GJB6: variants seen among roughly 807,000 people sequenced by gnomAD.
The protein encoded by GJB6 is gap junction protein beta 6, also known as gap junction beta-6 protein.
Under a neutral mutation model 5.4 loss-of-function variants are expected in GJB6, and 5 were observed. That is an observed-to-expected ratio of 0.92 (90% confidence interval 0.48 to 1.93). GJB6 has a LOEUF of 1.93. GJB6 is among the 30% of genes most tolerant of loss of function. The pLI, the probability that GJB6 is intolerant of heterozygous loss-of-function variation, is 0.01. For synonymous variants in GJB6, 136 were observed against 129.6 expected (o/e 1.05, Z -0.34); for missense variants, 298 against 326.9 (o/e 0.91, Z 0.68).
intron 4 of GJB6, among the ~76,000 whole-genome samples, chr13:20,228,627 G>T (rs956771952): frequency 6.6e-6 from 1 of 151,166 alleles, no homozygotes; most frequent in East Asian, 2.0e-4. Context: ...TGGGACTACA[G>T]GCGCCTGCCA....
At chr13:20,230,369 G>A (rs1869999612) in intron 3 of GJB6, among the ~76,000 whole-genome samples, 1 of 152,188 alleles carries the variant, frequency 6.6e-6, no homozygotes, top group Non-Finnish European at 1.5e-5. Context: ...AATTCAAAGA[G>A]TTAAAAATTA....
intron 4 of GJB6, among the ~76,000 whole-genome samples, chr13:20,228,651 AT>A (rs538127118): frequency 1.3e-5 from 2 of 150,366 alleles, no homozygotes; most frequent in Admixed American, 1.3e-4. Flanking sequence ...AGCCCGGCTA[AT>A]TTTTTGTATT....
In GJB6 at chr13:20,223,293, ACAT is replaced by A; in HGVS notation, c.185_187del (p.Asn62_Val63delinsMet). The A allele has an allele frequency of 5.6e-6, 9 of 1,614,018 alleles. No homozygotes were observed. The highest frequency in any genetic ancestry group is 7.6e-6 in the Non-Finnish European group (9 of 1,179,858). On this transcript the variant is annotated inframe_deletion, in exon 5 of 5. Coordinates refer to ENST00000647029, the MANE Select transcript of GJB6 (RefSeq NM_001110219.3). ...CACCGGGAAAAAGTGGTCATAGCAC[ACAT>A]TTTTGCATCCCGGTTGCAGTGTGTT...
intron 4 of GJB6, among the ~76,000 whole-genome samples, chr13:20,228,625 C>T (rs1489754528): frequency 5.3e-5 from 8 of 150,944 alleles, no homozygotes; most frequent in African/African-American, 4.9e-5. Context: ...GCTGGGACTA[C>T]AGGCGCCTGC....
At chr13:20,223,598 G>A (rs371955031) in intron 4 of GJB6, 103 bp from the exon 5 acceptor site, 3 of 909,016 alleles carry the variant, frequency 3.3e-6, no homozygotes, top group Admixed American at 1.8e-5. Flanking sequence ...AAGGTAGGCT[G>A]TGATACTTTA....
intron 4 of GJB6, among the ~76,000 whole-genome samples, chr13:20,228,760 A>AGG (rs1221453788): frequency 2.6e-5 from 4 of 152,074 alleles, no homozygotes; most frequent in African/African-American, 4.8e-5. Flanking sequence ...CTGGGATTAC[A>AGG]AGCATGAGCC....
rs1291965696 is a variant in GJB6, at chr13:20,222,994, G to C, written c.487C>G (p.Leu163Val). 2 of 1,614,034 alleles carry C rather than the reference G, an allele frequency of 1.2e-6. No individual in the cohort carries two copies. The highest frequency in any genetic ancestry group is 1.7e-6 in the Non-Finnish European group (2 of 1,180,006). ...VFYFLYNGYH[L>V]PWVLKCGIDP... ...ATCCCACATTTCAACACCCAGGGCA[G>C]GTGGTACCCATTGTAAAGGAAGTAA... The change falls in exon 5 of 5, where the codon CTG becomes GTG. Residue 163 changes from leucine (L) to valine (V), a missense_variant. Physicochemically the swap from Leu to Val is conservative, Grantham distance 32. Transcript: ENST00000647029.
intron 4 of GJB6, chr13:20,225,801 G>A (rs747201113): frequency 8.5e-5 from 13 of 152,182 alleles, no homozygotes; most frequent in African/African-American, 1.9e-4. Flanking sequence ...CAATGGCACC[G>A]AGTCTTGGAA....
intron 4 of GJB6, among the ~76,000 whole-genome samples, chr13:20,226,936 C>T (rs962355893): frequency 2.6e-5 from 4 of 152,130 alleles, no homozygotes; most frequent in Admixed American, 6.5e-5. Flanking sequence ...GCCTGAACAA[C>T]GGCACCCCGT....
Position 20,223,043 on chromosome 13 carries a change from A to G in GJB6, c.438T>C (p.Phe146=), listed in dbSNP as rs1869303144. The G allele has an allele frequency of 6.2e-7, 1 of 1,614,214 alleles. No homozygotes were observed. ...AAAACACATACATAAAGGCTGCTTCAAAGATGATTCGGAAAAAGATGCTGC... is the reference window on the plus strand; with the variant it reads ...AAAACACATACATAAAGGCTGCTTCGAAGATGATTCGGAAAAAGATGCTGC... The part of the protein sequence containing the change: ...YTSSIFFRII[F]EAAFMYVFYF... The change falls in exon 5 of 5, where the codon TTT becomes TTC. Residue 146 remains phenylalanine (F), a synonymous_variant. Transcript: ENST00000647029.
In GJB6 at chr13:20,222,655, A is replaced by G; in HGVS notation, c.*40T>C. The stretch of plus-strand genomic sequence containing the variant: ...TGGTATTGCCTTCTGGAGAAGACAG[A>G]AGTCTCCTTATGACGCAGCTACATT... On this transcript the variant is annotated 3_prime_UTR_variant, in exon 5 of 5. Transcript: ENST00000647029. 1 of 1,568,706 alleles carries G rather than the reference A, an allele frequency of 6.4e-7. No individual in the cohort carries two copies. The highest frequency in any genetic ancestry group is 8.8e-7 in the Non-Finnish European group (1 of 1,138,592).
intron 4 of GJB6, among the ~76,000 whole-genome samples, chr13:20,226,774 C>A (rs958780343): frequency 6.6e-6 from 1 of 152,184 alleles, no homozygotes; most frequent in Admixed American, 6.5e-5. Context: ...AAACACCTCC[C>A]ATTGAAATTT....
At position 20,223,136 on chromosome 13, in the gene GJB6, G is replaced by A; in HGVS notation, c.345C>T (p.Phe115=). Residue 115 remains phenylalanine, a synonymous_variant, in exon 5 of 5, where the codon TTC becomes TTT. Transcript: ENST00000647029. ...KFRRGEKRND[F]KDIEDIKKQK... The stretch of plus-strand genomic sequence containing the variant: ...GCTTTTTAATGTCCTCTATGTCTTT[G>A]AAATCATTCCTCTTCTCTCCTCGCC... 3 of 1,614,052 alleles carry A rather than the reference G, an allele frequency of 1.9e-6. No homozygotes were observed. The highest frequency in any genetic ancestry group is 2.5e-6 in the Non-Finnish European group (3 of 1,179,922).
intron 4 of GJB6, among the ~76,000 whole-genome samples, chr13:20,224,482 G>A (rs563651922): frequency 4.2e-4 from 64 of 152,246 alleles, no homozygotes; most frequent in Non-Finnish European, 7.3e-4. Flanking sequence ...CCAAGCCCAC[G>A]TTGGCTTTGC....
Position 20,222,628 on chromosome 13 carries a change from G to T in GJB6, c.*67C>A. ...TTCAGGCTACAGAAGGAACTTTCAG[G>T]TTGGTATTGCCTTCTGGAGAAGACA... On this transcript the variant is annotated 3_prime_UTR_variant, in exon 5 of 5. Transcript: ENST00000647029. 3 of 1,334,378 alleles carry T rather than the reference G, an allele frequency of 2.2e-6. No individual in the cohort carries two copies. Among genetic ancestry groups the T allele is most frequent in the Non-Finnish European group, 2.2e-6 (2 of 925,476 alleles). The allele number at this position is 1,334,378 out of a possible 1,614,324, so 82.7% of individuals were successfully genotyped here.
Position 20,228,000 on chromosome 13 carries a change from A to C in GJB6, c.-16+1580T>G, listed in dbSNP as rs985484883. On this transcript the variant is annotated intron_variant, in intron 4 of 4. Coordinates refer to ENST00000647029, the MANE Select transcript of GJB6 (RefSeq NM_001110219.3). ...AAGGATGTTGTGGGTTGGGGGTGGC[A>C]AAGAAAGCGCCCAGCCCCCAGGTTC... Among the ~76,000 whole-genome samples the C allele has an allele frequency of 2.7e-5, 3 of 110,928 alleles. No individual in the cohort carries two copies. In the East Asian group the frequency reaches 7.0e-4, roughly 26 times the overall value. 72.8% of individuals were successfully genotyped at this position (110,928 alleles called of 152,430 possible). A position where few individuals can be genotyped will look rare whatever the true frequency, so the allele number is the denominator to read the frequency against.
chr13:20,229,123 C>CAAAAAAAAAAAAAAAAA (rs5802041), intron 4 of GJB6, among the ~76,000 whole-genome samples: 1 of 43,872 alleles, frequency 2.3e-5, no homozygotes, highest in African/African-American at 9.9e-5. Flanking sequence ...TGTCATTTAG[C>CAAAAAAAAAAAAAAAAA]AAAAAAAAAA....
chr13:20,223,286 A>T lies in GJB6; in HGVS notation c.195T>A (p.Tyr65Ter). The change falls in exon 5 of 5, where the codon TAT becomes TAA. Residue 65 changes from tyrosine (Y) to a stop codon, truncating the protein, a stop_gained. Coordinates refer to ENST00000647029, the MANE Select transcript of GJB6 (RefSeq NM_001110219.3). LOFTEE classifies it high-confidence loss of function. ...TLQPGCKNVC[Y>*]DHFFPVSHIR... ...TGTGGGACACCGGGAAAAAGTGGTC[A>T]TAGCACACATTTTTGCATCCCGGTT... The T allele has an allele frequency of 6.2e-7, 1 of 1,613,964 alleles. No homozygotes were observed. Among genetic ancestry groups the T allele is most frequent in the Non-Finnish European group, 8.5e-7 (1 of 1,179,788 alleles).
chr13:20,230,073 T>C (rs1302658561), intron 3 of GJB6: 1 of 151,918 alleles, frequency 6.6e-6, no homozygotes, highest in Non-Finnish European at 1.5e-5. Flanking sequence ...CCCAAATCAG[T>C]GGTTTAAAAA....
Sources: allele counts gnomAD v4.1 joint callset (sites outside exome capture counted in the v4.1 genomes callset), GRCh38; gene constraint gnomAD v4.1.1; transcripts MANE v1.5; gene names NCBI Gene and HGNC (gene_info 2026-07-23, HGNC 2026-07-21).